KCNG3: variants seen among roughly 807,000 people sequenced by gnomAD.
The protein encoded by KCNG3 is potassium voltage-gated channel modifier subfamily G member 3.
A neutral mutation model predicts 29.0 loss-of-function variants in KCNG3; 15 were observed. The observed-to-expected ratio is 0.52, with a 90% CI of 0.35 to 0.80. KCNG3 has a LOEUF of 0.80. Among genes scored for constraint, KCNG3 ranks in the 30% least tolerant of loss-of-function variants. KCNG3 has a pLI of 0.01. For missense variants in KCNG3, 512 were observed against 605.7 expected (o/e 0.85, Z 1.62); for synonymous variants, 322 against 248.9 (o/e 1.29, Z -2.76).
Position 42,492,773 on chromosome 2 carries a change from G to C in KCNG3, c.665+64C>G, listed in dbSNP as rs1007825133. The C allele has an allele frequency of 6.8e-5, 92 of 1,344,492 alleles. No homozygotes were observed. In the South Asian group the frequency reaches 1.7e-3, roughly 25 times the overall value. The allele number at this position is 1,344,492 out of a possible 1,614,324, so 83.3% of individuals were successfully genotyped here. A position where few individuals can be genotyped will look rare whatever the true frequency, so the allele number is the denominator to read the frequency against. On this transcript the variant is annotated intron_variant, in intron 1 of 1. Transcript: ENST00000306078. Reference sequence around the variant, plus strand: ...GAGGCGGACAGGACGGAGACGGGACGTATGGACGGGACGGACAGACGCGAC... The same window carrying C: ...GAGGCGGACAGGACGGAGACGGGACCTATGGACGGGACGGACAGACGCGAC...
chr2:42,474,408 A>T (rs749268359), intron 1 of KCNG3, among the ~76,000 whole-genome samples: 4 of 141,024 alleles, frequency 2.8e-5, no homozygotes, highest in Non-Finnish European at 6.2e-5. Context: ...CATGCCTATA[A>T]TCCCAGCTAC....
At chr2:42,454,666 C>T (rs1034113684) in intron 1 of KCNG3, among the ~76,000 whole-genome samples, 2 of 150,810 alleles carry the variant, frequency 1.3e-5, no homozygotes, top group Non-Finnish European at 2.9e-5. Flanking sequence ...GAGCCAAGAT[C>T]GTGCCATTGT....
At position 42,465,621 on chromosome 2, in the gene KCNG3, T is replaced by C. The variant is rs143441666; in HGVS notation, c.666-21042A>G. Among the ~76,000 whole-genome samples the C allele has an allele frequency of 8.5e-3, 1,295 of 152,312 alleles. 6 individuals carry two copies. The highest frequency in any genetic ancestry group is 0.014 in the Non-Finnish European group (965 of 68,022). ...AAGTAGTAATCATGAAAGAAAATAC[T>C]GATAAATTAGACTTCACCAAAATTT... On this transcript the variant is annotated intron_variant, in intron 1 of 1. Transcript: ENST00000306078.
chr2:42,475,323 C>CTTTT (rs11365655), intron 1 of KCNG3, among the ~76,000 whole-genome samples: 1 of 104,710 alleles, frequency 9.6e-6, no homozygotes, highest in Admixed American at 1.0e-4. Flanking sequence ...GCCTCTGTCT[C>CTTTT]TTTTTTTTTT....
Position 42,493,581 on chromosome 2 carries a change from C to A in KCNG3, c.-80G>T, listed in dbSNP as rs974177807. The A allele has an allele frequency of 1.2e-4, 141 of 1,215,258 alleles. 1 individual carries two copies. The highest frequency in any genetic ancestry group is 1.3e-4 in the Non-Finnish European group (130 of 970,728). The allele number at this position is 1,215,258 out of a possible 1,614,324, so 75.3% of individuals were successfully genotyped here. On this transcript the variant is annotated 5_prime_UTR_variant, in exon 1 of 2. Transcript: ENST00000306078. ...CAAGCCGCCACGCGGGGCCTGCCTG[C>A]CCGTGGCTGACGGGGGAGCGCGCCG...
At chr2:42,446,849 A>G (rs1018973740) in intron 1 of KCNG3, among the ~76,000 whole-genome samples, 1 of 152,242 alleles carries the variant, frequency 6.6e-6, no homozygotes, top group Admixed American at 6.5e-5. Flanking sequence ...ATATAGAAAG[A>G]AAGGTCTCAG....
At chr2:42,394,575 C>G in the KCNG3 span, among the ~76,000 whole-genome samples, 4 of 152,308 alleles carry the variant, frequency 2.6e-5, no homozygotes, top group South Asian at 8.3e-4. Context: ...AAGCTGGGAA[C>G]TGCTCCCATT....
chr2:42,388,809 G>A, the KCNG3 span, among the ~76,000 whole-genome samples: 13 of 152,196 alleles, frequency 8.5e-5, no homozygotes, highest in East Asian at 1.9e-4. Context: ...AGTCTCACCC[G>A]CCTAGAGAAA....
intron 1 of KCNG3, among the ~76,000 whole-genome samples, chr2:42,455,304 G>A (rs1367684041): frequency 1.3e-5 from 2 of 151,984 alleles, no homozygotes; most frequent in Admixed American, 6.6e-5. Context: ...TGGGGTCAAT[G>A]GAAAAACAAA....
At chr2:42,430,732 C>T in the KCNG3 span, among the ~76,000 whole-genome samples, 2 of 151,978 alleles carry the variant, frequency 1.3e-5, no homozygotes, top group African/African-American at 4.8e-5. Flanking sequence ...CTAGCCTGGG[C>T]CACCTTATGA....
Position 42,492,971 on chromosome 2 carries a change from C to CG in KCNG3, c.530dup (p.Val178GlyfsTer31), listed in dbSNP as rs1442881693. 6.4e-7 allele frequency: 1 copy of CG among 1,559,692 alleles called. No individual in the cohort carries two copies. The highest frequency in any genetic ancestry group is 1.2e-5 in the South Asian group (1 of 84,458). On this transcript the variant is annotated frameshift_variant, in exon 1 of 2. Transcript: ENST00000306078. LOFTEE classifies it high-confidence loss of function. ...CCATGGACACGATCACGAACACCAC[C>CG]GACACGCTAGCCAGGATCTGCGCGG...
the KCNG3 span, among the ~76,000 whole-genome samples, chr2:42,412,373 G>T: frequency 6.6e-6 from 1 of 152,126 alleles, no homozygotes; most frequent in Non-Finnish European, 1.5e-5. Context: ...GAAATTCTTG[G>T]AGTGACTTTG....
intron 1 of KCNG3, among the ~76,000 whole-genome samples, chr2:42,460,595 C>T (rs1183741983): frequency 6.6e-6 from 1 of 152,126 alleles, no homozygotes; most frequent in Non-Finnish European, 1.5e-5. Context: ...CGGAAAGCTT[C>T]TTTGAGAAAG....
the KCNG3 span, among the ~76,000 whole-genome samples, chr2:42,391,453 C>G: frequency 1.3e-5 from 2 of 152,138 alleles, no homozygotes; most frequent in Non-Finnish European, 2.9e-5. Context: ...GTTTGGGGAC[C>G]AAGGATTGAA....
chr2:42,455,569 G>A (rs1221942823), intron 1 of KCNG3, among the ~76,000 whole-genome samples: 2 of 152,098 alleles, frequency 1.3e-5, no homozygotes, highest in African/African-American at 4.8e-5. Context: ...TTGGAATACA[G>A]AGAGATCTCA....
downstream of KCNG3, among the ~76,000 whole-genome samples, chr2:42,438,090 G>A (rs1321854724): frequency 1.3e-5 from 2 of 151,866 alleles, no homozygotes; most frequent in African/African-American, 4.8e-5. Context: ...GAGAAAGAAA[G>A]CATGGAATTC....
At chr2:42,421,258 A>G in the KCNG3 span, among the ~76,000 whole-genome samples, 4 of 152,250 alleles carry the variant, frequency 2.6e-5, no homozygotes, top group East Asian at 7.7e-4. Flanking sequence ...TGTTGGGGAT[A>G]CAGTAATTAA....
intron 1 of KCNG3, among the ~76,000 whole-genome samples, chr2:42,455,138 G>C (rs2103679694): frequency 6.6e-6 from 1 of 152,194 alleles, no homozygotes; most frequent in African/African-American, 2.4e-5. Flanking sequence ...CCTTAATACA[G>C]AACTTTTTTA....
chr2:42,447,267 C>T (rs532572710), intron 1 of KCNG3, among the ~76,000 whole-genome samples: 4 of 151,156 alleles, frequency 2.6e-5, no homozygotes, highest in East Asian at 1.9e-4. Flanking sequence ...TATGTACATA[C>T]ATGTATATAT....
Sources: allele counts gnomAD v4.1 joint callset (sites outside exome capture counted in the v4.1 genomes callset), GRCh38; gene constraint gnomAD v4.1.1; transcripts MANE v1.5; gene names NCBI Gene and HGNC (gene_info 2026-07-23, HGNC 2026-07-21).